Variants in CARMIL1 observed in about 807,000 individuals in gnomAD.
The protein encoded by CARMIL1 is F-actin-uncapping protein LRRC16A.
CARMIL1 carries 90 observed loss-of-function variants against 177.1 expected under a neutral mutation model. The observed-to-expected ratio is 0.51, with a 90% CI of 0.43 to 0.61. CARMIL1 has a LOEUF of 0.61. Ranked by LOEUF, CARMIL1 falls within the 20% of genes least tolerant of loss-of-function variation. The probability of loss-of-function intolerance (pLI) is 0.00; values close to 1 mark genes in which losing one functional copy is unlikely to be tolerated. For missense variants in CARMIL1, 1,380 were observed against 1,667.0 expected, an observed-to-expected ratio of 0.83 and a Z score of 3.00; for synonymous variants, 577 against 606.2, an observed-to-expected ratio of 0.95 and a Z score of 0.71.
chr6:25,409,954 C>T (rs1268001138), intron 2 of CARMIL1, among the ~76,000 whole-genome samples: 1 of 152,040 alleles, frequency 6.6e-6, no homozygotes, highest in Non-Finnish European at 1.5e-5. Context: ...ATATACCTAC[C>T]TTAATTTCTT....
At chr6:25,392,090 G>GTGTA (rs1792908689) in intron 2 of CARMIL1, among the ~76,000 whole-genome samples, 1 of 137,542 alleles carries the variant, frequency 7.3e-6, no homozygotes, top group African/African-American at 2.9e-5. Context: ...GTGTGTGTGT[G>GTGTA]TGTGTGTGTA....
At chr6:25,303,655 T>TCACAGG (rs1783041512) in intron 2 of CARMIL1, among the ~76,000 whole-genome samples, 2 of 152,246 alleles carry the variant, frequency 1.3e-5, no homozygotes, top group East Asian at 3.8e-4. Flanking sequence ...TGTTATCTTT[T>TCACAGG]ACACAAAGGG....
At chr6:25,377,699 A>G (rs552407039) in intron 2 of CARMIL1, among the ~76,000 whole-genome samples, 2 of 152,334 alleles carry the variant, frequency 1.3e-5, no homozygotes, top group East Asian at 3.9e-4. Context: ...TCACATGGAC[A>G]GACTCAGGAT....
In CARMIL1 at chr6:25,449,139, C is replaced by T. The variant is rs375272136; in HGVS notation, c.372-759C>T. On this transcript the variant is annotated intron_variant, in intron 5 of 36. Transcript: ENST00000329474. ...ATTCCTGGGCTCAAGTAATCGCCTG[C>T]CTTGGCCTCCCAAAGTGCTGGAATT... Among the ~76,000 whole-genome samples, 4 of 152,266 alleles carry T rather than the reference C, an allele frequency of 2.6e-5. No homozygotes were observed. The South Asian group carries it at 6.2e-4, about 24-fold the overall frequency.
intron 2 of CARMIL1, among the ~76,000 whole-genome samples, chr6:25,413,192 C>T (rs1347299396): frequency 2.6e-5 from 4 of 152,092 alleles, no homozygotes; most frequent in South Asian, 4.2e-4. Context: ...CTGTAACGTA[C>T]TTAGAGCTGG....
At chr6:25,325,980 C>T (rs960524954) in intron 2 of CARMIL1, among the ~76,000 whole-genome samples, 2 of 152,100 alleles carry the variant, frequency 1.3e-5, no homozygotes, top group African/African-American at 2.4e-5. Context: ...AGCAATTCCC[C>T]TGCCTCAGCC....
At chr6:25,539,444 A>G (rs773014519) in intron 25 of CARMIL1, among the ~76,000 whole-genome samples, 3 of 151,928 alleles carry the variant, frequency 2.0e-5, no homozygotes, top group East Asian at 3.9e-4. Flanking sequence ...CTCAACTTTC[A>G]TACCCCAGAT....
chr6:25,540,815 G>A (rs912250361), intron 26 of CARMIL1, among the ~76,000 whole-genome samples: 3 of 152,170 alleles, frequency 2.0e-5, no homozygotes, highest in African/African-American at 7.2e-5. Context: ...AGCATGTAGG[G>A]ATTTGAAATG....
At chr6:25,557,837 A>G (rs1350937702) in intron 29 of CARMIL1, among the ~76,000 whole-genome samples, 1 of 152,200 alleles carries the variant, frequency 6.6e-6, no homozygotes, top group Admixed American at 6.5e-5. Context: ...CACTGTTATC[A>G]TGTTTTAAAG....
rs1390558460 is a variant in CARMIL1 at position 25,517,366 on chromosome 6, A to G, written c.1825A>G (p.Asn609Asp). Residue 609 changes from asparagine (N) to aspartate (D), a missense_variant, in exon 22 of 37, where the codon AAC becomes GAC. Asn to Asp is a conservative substitution (Grantham distance 23, BLOSUM62 1). Transcript: ENST00000329474. ...TKLRTVIWDKNNITAQGFQDI... is the reference protein window; with the variant it reads ...TKLRTVIWDKDNITAQGFQDI... Reference sequence around the variant, plus strand: ...AAACAGGACTGTAATATGGGACAAGAACAACATCACTGCACAAGGCTTTCA... The same window carrying G: ...AAACAGGACTGTAATATGGGACAAGGACAACATCACTGCACAAGGCTTTCA... The G allele has an allele frequency of 6.2e-7, 1 of 1,613,380 alleles. No homozygotes were observed. The highest frequency in any genetic ancestry group is 1.1e-5 in the South Asian group (1 of 91,070).
chr6:25,363,092 C>T (rs1379444312), intron 2 of CARMIL1, among the ~76,000 whole-genome samples: 3 of 152,132 alleles, frequency 2.0e-5, no homozygotes, highest in African/African-American at 7.2e-5. Flanking sequence ...AAAGTACTCA[C>T]TACTCAGGTA....
chr6:25,338,521 T>C (rs1247975970), intron 2 of CARMIL1, among the ~76,000 whole-genome samples: 4 of 151,644 alleles, frequency 2.6e-5, no homozygotes, highest in Non-Finnish European at 4.4e-5. Context: ...GTAGTTCTTT[T>C]ATATGTTTTA....
At position 25,529,516 on chromosome 6, in the gene CARMIL1, C is replaced by G. The variant is rs932400015; in HGVS notation, c.2067+623C>G. Among the ~76,000 whole-genome samples, 21 of 152,114 alleles carry G rather than the reference C, an allele frequency of 1.4e-4. No homozygotes were observed. The East Asian group carries it at 4.1e-3, about 29-fold the overall frequency. On this transcript the variant is annotated intron_variant, in intron 24 of 36. Transcript: ENST00000329474. ...TCACAAGATATTTGAGGAAAACAAT[C>G]TATGTGTCAAAGAGCGAGATGAACA...
chr6:25,598,299 C>T (rs956053209), intron 32 of CARMIL1, among the ~76,000 whole-genome samples: 2 of 151,898 alleles, frequency 1.3e-5, no homozygotes, highest in Non-Finnish European at 2.9e-5. Flanking sequence ...AGTGCAGTGG[C>T]GTGATCATGG....
At chr6:25,540,280 T>G (rs1338216830) in intron 26 of CARMIL1, among the ~76,000 whole-genome samples, 1 of 152,254 alleles carries the variant, frequency 6.6e-6, no homozygotes, top group Non-Finnish European at 1.5e-5. Flanking sequence ...TGGGTAAACC[T>G]CTAAATGTAC....
chr6:25,479,048 A>G (rs1045037052), intron 11 of CARMIL1: 1 of 510,722 alleles, frequency 2.0e-6, no homozygotes, highest in East Asian at 5.5e-5. Flanking sequence ...GTGCTCTGAC[A>G]TCCACAATGT....
At chr6:25,360,897 C>G (rs1789128416) in intron 2 of CARMIL1, among the ~76,000 whole-genome samples, 1 of 152,200 alleles carries the variant, frequency 6.6e-6, no homozygotes, top group African/African-American at 2.4e-5. Context: ...TAGCACCCTT[C>G]AAGAACTAGA....
intron 27 of CARMIL1, among the ~76,000 whole-genome samples, chr6:25,551,469 C>T (rs1810101569): frequency 6.6e-6 from 1 of 152,114 alleles, no homozygotes; most frequent in African/African-American, 2.4e-5. Flanking sequence ...AATGCACAGC[C>T]TCTAAATAGG....
chr6:25,402,400 C>G (rs1241231021), intron 2 of CARMIL1, among the ~76,000 whole-genome samples: 2 of 152,124 alleles, frequency 1.3e-5, no homozygotes, highest in South Asian at 4.1e-4. Context: ...TGTTTAAAAA[C>G]TGCTAAGACC....
Sources: gnomAD v4.1 joint callset for allele counts (sites outside exome capture counted in the v4.1 genomes callset) on GRCh38, gnomAD v4.1.1 for gene constraint, MANE v1.5 for transcripts, NCBI Gene and HGNC (gene_info 2026-07-23, HGNC 2026-07-21) for gene names.